Variants in TAOK1 observed in about 807,000 individuals in gnomAD.
TAOK1 encodes the protein TAO kinase 1.
TAOK1 carries 21 observed loss-of-function variants against 138.3 expected under a neutral mutation model. The ratio of observed to expected loss-of-function variants is 0.15; its 90% CI spans 0.11 to 0.22. The LOEUF (loss-of-function observed/expected upper bound fraction) is 0.22, where lower values mean the gene tolerates loss of function less well. TAOK1 is among the 10% of genes least tolerant of loss of function. The pLI is 1.00. For synonymous variants in TAOK1, 361 were observed against 398.4 expected (o/e 0.91, Z 1.12); for missense variants, 651 against 1,227.7 (o/e 0.53, Z 7.02).
At chr17:29,494,340 C>A (rs954642765) in intron 10 of TAOK1, among the ~76,000 whole-genome samples, 3 of 151,828 alleles carry the variant, frequency 2.0e-5, no homozygotes, top group African/African-American at 7.3e-5. Flanking sequence ...CTCTACCCCC[C>A]ACCCCCCAAA....
chr17:29,486,650 A>G (rs1031644562), intron 8 of TAOK1, among the ~76,000 whole-genome samples: 1 of 152,136 alleles, frequency 6.6e-6, no homozygotes, highest in African/African-American at 2.4e-5. Flanking sequence ...AAAAAAAGTT[A>G]TTTGAATTTA....
chr17:29,468,970 G>A (rs1461222285), intron 3 of TAOK1, among the ~76,000 whole-genome samples: 1 of 152,110 alleles, frequency 6.6e-6, no homozygotes, highest in Non-Finnish European at 1.5e-5. Flanking sequence ...ATTAGAAAAT[G>A]AAATTATTAA....
chr17:29,467,050 G>A, intron 2 of TAOK1, 95 bp from the exon 3 acceptor site: 5 of 834,380 alleles, frequency 6.0e-6, no homozygotes, highest in Non-Finnish European at 8.9e-6. Flanking sequence ...TTTTTGACAT[G>A]GTAGTTTACA....
At position 29,546,751 on chromosome 17, in the gene TAOK1, T is replaced by G. The variant is rs1483119771; in HGVS notation, c.*3729T>G. On this transcript the variant is annotated 3_prime_UTR_variant, in exon 20 of 20. Transcript: ENST00000261716. Reference sequence around the variant, plus strand: ...CTGTATGTGTGTATAGATGGATGGATGTAACTCATACTGTACATTTCCATC... The same window carrying G: ...CTGTATGTGTGTATAGATGGATGGAGGTAACTCATACTGTACATTTCCATC... The G allele has an allele frequency of 6.6e-6, 1 of 152,148 alleles. No individual in the cohort carries two copies. The highest frequency in any genetic ancestry group is 1.5e-5 in the Non-Finnish European group (1 of 67,978). The allele number at this position is 152,148 out of a possible 1,614,324, so 9.4% of individuals were successfully genotyped here. A position where few individuals can be genotyped will look rare whatever the true frequency, so the allele number is the denominator to read the frequency against.
rs1399779647 is a variant in TAOK1, at chr17:29,546,396, A to G, written c.*3374A>G. The G allele has an allele frequency of 5.3e-5, 8 of 152,090 alleles. No individual in the cohort carries two copies. Among genetic ancestry groups the G allele is most frequent in the Non-Finnish European group, 1.2e-4 (8 of 67,970 alleles). The allele number at this position is 152,090 out of a possible 1,614,324, so 9.4% of individuals were successfully genotyped here. On this transcript the variant is annotated 3_prime_UTR_variant, in exon 20 of 20. Transcript: ENST00000261716. ...AATTTTTTTCTCACCCCCTTTTCAA[A>G]AATTGAAAACTCTATGAGTGTCTTT...
intron 11 of TAOK1, 77 bp from the exon 12 acceptor site, chr17:29,498,241 G>A: frequency 1.4e-6 from 2 of 1,471,486 alleles, no homozygotes; most frequent in Non-Finnish European, 1.9e-6. Context: ...TGGTATGCTA[G>A]GTGCTTATAG....
intron 19 of TAOK1, among the ~76,000 whole-genome samples, chr17:29,536,596 T>C (rs2032226946): frequency 1.3e-5 from 2 of 149,856 alleles, no homozygotes; most frequent in African/African-American, 4.9e-5. Flanking sequence ...CAAGACTCCA[T>C]CTCAAAAAAT....
chr17:29,480,744 C>T (rs2153026790), intron 7 of TAOK1, among the ~76,000 whole-genome samples: 1 of 151,830 alleles, frequency 6.6e-6, no homozygotes, highest in South Asian at 2.1e-4. Flanking sequence ...GTGGTGCATG[C>T]CTGTAGTCCC....
chr17:29,441,011 C>A (rs1312398519), intron 1 of TAOK1, among the ~76,000 whole-genome samples: 3 of 152,106 alleles, frequency 2.0e-5, no homozygotes, highest in Non-Finnish European at 4.4e-5. Flanking sequence ...TATGTTGAAT[C>A]ACCCTTGCAT....
chr17:29,415,259 G>A (rs776085327), intron 1 of TAOK1, among the ~76,000 whole-genome samples: 2 of 152,284 alleles, frequency 1.3e-5, no homozygotes, highest in East Asian at 1.9e-4. Flanking sequence ...GTGAGCCACC[G>A]CGCCCAGCTG....
intron 8 of TAOK1, among the ~76,000 whole-genome samples, chr17:29,483,370 G>A (rs543717884): frequency 4.6e-5 from 7 of 152,052 alleles, no homozygotes; most frequent in East Asian, 3.9e-4. Context: ...GAGCCACTGC[G>A]CTCATCTAAA....
intron 1 of TAOK1, among the ~76,000 whole-genome samples, chr17:29,391,499 ACCCTTCC>A (rs1397144247): frequency 2.0e-5 from 3 of 151,834 alleles, no homozygotes; most frequent in African/African-American, 7.3e-5. Flanking sequence ...CTCTCCCCGT[ACCCTTCC>A]CCCTTCCCCA....
At chr17:29,534,019 AGT>A in intron 18 of TAOK1, 97 bp from the exon 19 acceptor site, 1 of 1,269,342 alleles carries the variant, frequency 7.9e-7, no homozygotes, top group Non-Finnish European at 1.0e-6. Context: ...AAAAAAGAGT[AGT>A]CTGTCTTCTA....
intron 3 of TAOK1, among the ~76,000 whole-genome samples, chr17:29,472,578 T>C (rs1041100376): frequency 8.2e-5 from 12 of 146,656 alleles, no homozygotes; most frequent in East Asian, 2.0e-4. Flanking sequence ...TCTTTCTTTT[T>C]TTTTTTTTTT....
In TAOK1 at chr17:29,517,753, T is replaced by C. The variant is rs114848744; in HGVS notation, c.1908+97T>C. 1.1e-3 allele frequency: 1,206 copies of C among 1,113,272 alleles called. 16 individuals are homozygous for C. In the African/African-American group the frequency reaches 0.017, roughly 16 times the overall value. The allele number at this position is 1,113,272 out of a possible 1,614,324, so 69.0% of individuals were successfully genotyped here. On this transcript the variant is annotated intron_variant, in intron 16 of 19. Coordinates refer to ENST00000261716, the MANE Select transcript of TAOK1 (RefSeq NM_020791.4). ...TCTAGTCTCAGGGACTTTGCACTTA[T>C]ACTTGCCTCTGTCTGAATCATTCTT...
At chr17:29,478,102 C>A in intron 5 of TAOK1, 149 bp from the exon 6 acceptor site, 1 of 544,218 alleles carries the variant, frequency 1.8e-6, no homozygotes, top group South Asian at 3.2e-5. Context: ...CAACTGCATA[C>A]AAGTTATAAA....
At chr17:29,419,061 G>A (rs546900564) in intron 1 of TAOK1, among the ~76,000 whole-genome samples, 3 of 151,732 alleles carry the variant, frequency 2.0e-5, no homozygotes, top group African/African-American at 7.3e-5. Context: ...ACAATACTGA[G>A]TCTCCCAGTC....
intron 2 of TAOK1, among the ~76,000 whole-genome samples, chr17:29,462,556 A>C (rs1371707322): frequency 6.6e-6 from 1 of 152,204 alleles, no homozygotes; most frequent in African/African-American, 2.4e-5. Flanking sequence ...AACGGGATGT[A>C]ATATTTACCT....
chr17:29,437,776 C>T (rs1446408753), intron 1 of TAOK1, among the ~76,000 whole-genome samples: 10 of 148,636 alleles, frequency 6.7e-5, no homozygotes, highest in Middle Eastern at 3.4e-3. Context: ...CTCTGTCACC[C>T]GGGCTGTAGT....
Sources: gnomAD v4.1 joint callset for allele counts (sites outside exome capture counted in the v4.1 genomes callset) on GRCh38, gnomAD v4.1.1 for gene constraint, MANE v1.5 for transcripts, NCBI Gene and HGNC (gene_info 2026-07-23, HGNC 2026-07-21) for gene names.